The following ZC3H6 variants were observed in gnomAD, a reference collection of about 807,000 sequenced individuals.
ZC3H6 encodes zinc finger CCCH-type containing 6, also known as zinc finger CCCH domain-containing protein 6.
ZC3H6 carries 40 observed loss-of-function variants against 107.7 expected under a neutral mutation model. The observed-to-expected ratio is 0.37, with a 90% CI of 0.29 to 0.48. The LOEUF (loss-of-function observed/expected upper bound fraction) is 0.48. Among genes scored for constraint, ZC3H6 ranks in the 20% least tolerant of loss-of-function variants. ZC3H6 has a pLI of 0.98. For synonymous variants in ZC3H6, 493 were observed against 487.9 expected, an observed-to-expected ratio of 1.01 and a Z score of -0.14; for missense variants, 1,267 against 1,410.4, an observed-to-expected ratio of 0.90 and a Z score of 1.63.
At position 112,331,241 on chromosome 2, in the gene ZC3H6, G is replaced by T. The variant is rs1402720645; in HGVS notation, c.2323G>T (p.Ala775Ser). The T allele has an allele frequency of 3.7e-6, 6 of 1,613,732 alleles. No homozygotes were observed. The highest frequency in any genetic ancestry group is 4.2e-6 in the Non-Finnish European group (5 of 1,179,842). ...RQDIRKPSES[A>S]PLDLRLAWDP... The stretch of plus-strand genomic sequence containing the variant: ...AGACATTAGAAAGCCTTCTGAGTCT[G>T]CCCCACTGGATCTTAGACTTGCGTG... The change falls in exon 12 of 12, where the codon GCC becomes TCC. Residue 775 changes from alanine to serine, a missense_variant. Physicochemically the swap from Ala to Ser is moderately conservative, Grantham distance 99 (BLOSUM62 1). This residue lies in a region of ZC3H6 where 925 missense variants were observed against 1,025.7 expected (regional missense o/e 0.90). Coordinates refer to ENST00000409871, the MANE Select transcript of ZC3H6 (RefSeq NM_198581.3).
chr2:112,286,390 CA>C (rs1686607735), intron 1 of ZC3H6: 1 of 183,640 alleles, frequency 5.4e-6, no homozygotes, highest in African/African-American at 2.4e-5. Flanking sequence ...GCATAGTGGC[CA>C]GGGGCGAAGG....
rs758806203 is a variant in ZC3H6 at position 112,309,992 on chromosome 2, C to T, written c.444C>T (p.Phe148=). The T allele has an allele frequency of 2.5e-5, 40 of 1,613,188 alleles. No individual in the cohort carries two copies. The African/African-American group carries it at 3.5e-4, about 14-fold the overall frequency. The change falls in exon 4 of 12, where the codon TTC becomes TTT. Residue 148 remains phenylalanine, a synonymous_variant. Coordinates refer to ENST00000409871, the MANE Select transcript of ZC3H6 (RefSeq NM_198581.3). ...ACAGCACCTACAGTGATGACAACTT[C>T]GGTAACTACAGTGATGACAACTTTG... is the stretch of plus-strand genomic sequence containing the variant. The part of the protein sequence containing the change: ...DEYSTYSDDN[F]GNYSDDNFGN...
chr2:112,325,031 G>T lies in ZC3H6; in HGVS notation c.1920G>T (p.Gly640=). The T allele has an allele frequency of 6.2e-7, 1 of 1,613,466 alleles. No homozygotes were observed. The highest frequency in any genetic ancestry group is 8.5e-7 in the Non-Finnish European group (1 of 1,179,658). ...PPVVQDSPNH[G]SGSDGSSTRT... is the part of the protein sequence containing the mutation. ...TTGTTCAAGACTCACCTAACCATGG[G>T]AGTGGGTCTGATGGCAGCAGCACTA... The change falls in exon 11 of 12, where the codon GGG becomes GGT. Residue 640 remains glycine (G), a synonymous_variant. Coordinates refer to ENST00000409871, the MANE Select transcript of ZC3H6 (RefSeq NM_198581.3).
chr2:112,330,907 C>A (rs1677014501), intron 11 of ZC3H6, 98 bp from the exon 12 acceptor site: 1 of 469,500 alleles, frequency 2.1e-6, no homozygotes, highest in Non-Finnish European at 3.0e-6. Context: ...ATAAATGTAG[C>A]CATATTATAA....
intron 1 of ZC3H6, among the ~76,000 whole-genome samples, chr2:112,292,880 A>G (rs911331549): frequency 2.0e-5 from 3 of 152,190 alleles, no homozygotes; most frequent in African/African-American, 7.2e-5. Flanking sequence ...ACTCCCAGGT[A>G]AGCATGATCT....
At chr2:112,291,910 G>C (rs1234819509) in intron 1 of ZC3H6, among the ~76,000 whole-genome samples, 2 of 151,942 alleles carry the variant, frequency 1.3e-5, no homozygotes, top group Admixed American at 1.3e-4. Flanking sequence ...TAGAGATAGG[G>C]GTTCACCATG....
intron 2 of ZC3H6, among the ~76,000 whole-genome samples, chr2:112,301,542 G>T (rs1676378214): frequency 6.6e-6 from 1 of 152,110 alleles, no homozygotes; most frequent in Non-Finnish European, 1.5e-5. Context: ...TTTTTCACAT[G>T]AGAAGCAAGA....
Position 112,322,862 on chromosome 2 carries a change from G to A in ZC3H6, c.1300G>A (p.Val434Ile). 1 of 1,612,080 alleles carries A rather than the reference G, an allele frequency of 6.2e-7. No homozygotes were observed. Among genetic ancestry groups the A allele is most frequent in the Non-Finnish European group, 8.5e-7 (1 of 1,179,338 alleles). Residue 434 changes from valine to isoleucine, a missense_variant, in exon 9 of 12, where the codon GTA becomes ATA. By Grantham distance (29) the Val-to-Ile change is conservative. Transcript: ENST00000409871. ...AATTCCATCTCTTTTTGAAATAGTTGTAAAACCTACTGTGGATTTAGCGCA... is the reference window on the plus strand; with the variant it reads ...AATTCCATCTCTTTTTGAAATAGTTATAAAACCTACTGTGGATTTAGCGCA... The part of the protein sequence containing the change: ...RKIPSLFEIV[V>I]KPTVDLAHKI...
At chr2:112,310,373 CTAA>C (rs753245664) in intron 4 of ZC3H6, among the ~76,000 whole-genome samples, 16 of 152,226 alleles carry the variant, frequency 1.1e-4, no homozygotes, top group Middle Eastern at 3.4e-3. Context: ...GAAAGATATT[CTAA>C]TGATTTAAAA....
At chr2:112,292,370 C>T (rs1267056942) in intron 1 of ZC3H6, among the ~76,000 whole-genome samples, 13 of 152,188 alleles carry the variant, frequency 8.5e-5, no homozygotes, top group Non-Finnish European at 1.3e-4. Flanking sequence ...CTTTATTTTT[C>T]GTTCCATTGC....
intron 1 of ZC3H6, among the ~76,000 whole-genome samples, chr2:112,280,199 A>G (rs1459084707): frequency 7.2e-5 from 11 of 152,274 alleles, no homozygotes; most frequent in South Asian, 2.1e-4. Context: ...GCTCCACACA[A>G]TATCTGGTTT....
At chr2:112,292,993 T>G (rs1273722202) in intron 1 of ZC3H6, among the ~76,000 whole-genome samples, 2 of 152,168 alleles carry the variant, frequency 1.3e-5, no homozygotes, top group Non-Finnish European at 2.9e-5. Flanking sequence ...GCAAGTTAGG[T>G]TCTAATGAGG....
At chr2:112,292,266 A>C (rs1676135587) in intron 1 of ZC3H6, among the ~76,000 whole-genome samples, 1 of 152,228 alleles carries the variant, frequency 6.6e-6, no homozygotes, top group Non-Finnish European at 1.5e-5. Context: ...GAAGTAGAGC[A>C]GATGATTACG....
intron 2 of ZC3H6, among the ~76,000 whole-genome samples, chr2:112,300,995 CCTAAAAAGTA>C (rs1229606634): frequency 4.6e-5 from 7 of 152,150 alleles, no homozygotes; most frequent in Non-Finnish European, 1.0e-4. Context: ...CTCTAATAAA[CCTAAAAAGTA>C]CAAATGACTG....
intron 1 of ZC3H6, among the ~76,000 whole-genome samples, chr2:112,284,499 G>T (rs897572892): frequency 3.5e-4 from 53 of 151,288 alleles, no homozygotes; most frequent in African/African-American, 1.1e-3. Flanking sequence ...TTTATTCTCA[G>T]AAATATTAGT....
At chr2:112,292,545 A>G (rs1237056655) in intron 1 of ZC3H6, among the ~76,000 whole-genome samples, 1 of 152,252 alleles carries the variant, frequency 6.6e-6, no homozygotes, top group Non-Finnish European at 1.5e-5. Flanking sequence ...TATTTTGACC[A>G]GGAGGTCAGA....
chr2:112,316,689 G>A, intron 6 of ZC3H6, 103 bp downstream of exon 6: 1 of 661,162 alleles, frequency 1.5e-6, no homozygotes. Flanking sequence ...TCATATAGTT[G>A]TAATAAAACT....
Position 112,311,818 on chromosome 2 carries a change from G to A in ZC3H6, c.628G>A (p.Val210Ile), listed in dbSNP as rs764586579. The change falls in exon 5 of 12, where the codon GTT becomes ATT. Residue 210 changes from valine to isoleucine, a missense_variant. Physicochemically the swap from Val to Ile is conservative, Grantham distance 29. This residue lies in a region of ZC3H6 where 337 missense variants were observed against 361.2 expected (regional missense o/e 0.93). Transcript: ENST00000409871. Reference sequence around the variant, plus strand: ...AACTTTTCTAGGTATTGAACAGAGAGTTAAAAGTTTTAATGTTGGTCGTGG... The same window carrying A: ...AACTTTTCTAGGTATTGAACAGAGAATTAAAAGTTTTAATGTTGGTCGTGG... ...KGVQQGIEQR[V>I]KSFNVGRGRG... is the part of the protein sequence containing the mutation. 19 of 1,611,426 alleles carry A rather than the reference G, an allele frequency of 1.2e-5. No individual in the cohort carries two copies. The East Asian group carries it at 4.0e-4, about 34-fold the overall frequency.
In ZC3H6 at chr2:112,317,387, T is replaced by C. The variant is rs13390953; in HGVS notation, c.976+55T>C. The stretch of plus-strand genomic sequence containing the variant: ...AAAATGCTGGGGTTTTAAAGCATCA[T>C]TGAGGTTTTAAAAAATAATAAATAC... On this transcript the variant is annotated intron_variant, in intron 7 of 11. Coordinates refer to ENST00000409871, the MANE Select transcript of ZC3H6 (RefSeq NM_198581.3). 2,681 of 1,021,122 alleles carry C rather than the reference T, an allele frequency of 2.6e-3. 60 individuals carry two copies. The African/African-American group carries it at 0.04, about 15-fold the overall frequency. 63.3% of individuals were successfully genotyped at this position (1,021,122 alleles called of 1,614,324 possible).
Sources: gnomAD v4.1 joint callset for allele counts (sites outside exome capture counted in the v4.1 genomes callset) on GRCh38, gnomAD v4.1.1 for gene constraint, gnomAD v4.1.1 regional missense constraint, MANE v1.5 for transcripts, NCBI Gene and HGNC (gene_info 2026-07-23, HGNC 2026-07-21) for gene names.